Variants in PID1 observed in about 807,000 individuals in gnomAD.
PID1 encodes the protein PTB-containing, cubilin and LRP1-interacting protein.
Under a neutral mutation model 19.1 loss-of-function variants are expected in PID1, and 10 were observed. The observed-to-expected ratio is 0.52, with a 90% CI of 0.32 to 0.89. The LOEUF (loss-of-function observed/expected upper bound fraction) is 0.89, where lower values mean the gene tolerates loss of function less well. PID1 is among the 40% of genes least tolerant of loss of function. The pLI, the probability that PID1 is intolerant of heterozygous loss-of-function variation, is 0.03. For missense variants in PID1, 248 were observed against 285.3 expected (o/e 0.87, Z 0.94); for synonymous variants, 130 against 116.0 (o/e 1.12, Z -0.78).
At chr2:229,037,770 T>A (rs1693693973) in intron 2 of PID1, among the ~76,000 whole-genome samples, 1 of 152,084 alleles carries the variant, frequency 6.6e-6, no homozygotes, top group African/African-American at 2.4e-5. Context: ...CTGATACCTC[T>A]CCCTCTGCTT....
At chr2:229,074,794 C>T (rs145609685) in intron 2 of PID1, among the ~76,000 whole-genome samples, 123 of 152,232 alleles carry the variant, frequency 8.1e-4, no homozygotes, top group African/African-American at 2.4e-3. Context: ...AAATGATCAA[C>T]GGCCTATAAA....
chr2:229,040,623 T>C (rs957043561), intron 2 of PID1, among the ~76,000 whole-genome samples: 6 of 152,076 alleles, frequency 3.9e-5, no homozygotes, highest in African/African-American at 1.4e-4. Flanking sequence ...ATATTCAACA[T>C]ATAACCAAAG....
At chr2:229,086,910 T>TACACACACAC (rs3083831) in intron 2 of PID1, among the ~76,000 whole-genome samples, 2,209 of 150,102 alleles carry the variant, frequency 0.015, 30 homozygotes, top group East Asian at 0.058. Context: ...CACACGTGTG[T>TACACACACAC]ACACACACAC....
At chr2:229,199,272 C>T (rs753798898) in intron 1 of PID1, among the ~76,000 whole-genome samples, 5 of 152,078 alleles carry the variant, frequency 3.3e-5, no homozygotes, top group Admixed American at 2.6e-4. Context: ...TTTTTATCTT[C>T]TACCCAATAC....
intron 1 of PID1, among the ~76,000 whole-genome samples, chr2:229,226,302 C>T (rs1370181208): frequency 6.6e-6 from 1 of 152,168 alleles, no homozygotes; most frequent in Non-Finnish European, 1.5e-5. Flanking sequence ...TCCCAACTTT[C>T]CAGAATTGGT....
At chr2:229,223,017 C>T (rs1692006071) in intron 1 of PID1, among the ~76,000 whole-genome samples, 1 of 152,020 alleles carries the variant, frequency 6.6e-6, no homozygotes, top group South Asian at 2.1e-4. Flanking sequence ...ATTATAAATA[C>T]TATTGCAGTT....
At position 229,154,455 on chromosome 2, in the gene PID1, G is replaced by C. The variant is rs566011520; in HGVS notation, c.177+1363C>G. ...CTCACTAACCATGCTTGTTTACCTA[G>C]ATTTTCTCCTCCCATGCCCCTCAGT... On this transcript the variant is annotated intron_variant, in intron 2 of 2. Transcript: ENST00000392055. 5.7e-4 allele frequency among the ~76,000 whole-genome samples: 87 copies of C among 152,250 alleles called. 1 individual carries two copies. The highest frequency in any genetic ancestry group is 6.9e-4 in the Non-Finnish European group (47 of 68,022).
intron 1 of PID1, among the ~76,000 whole-genome samples, chr2:229,251,555 T>C (rs905862981): frequency 6.6e-6 from 1 of 152,200 alleles, no homozygotes; most frequent in Non-Finnish European, 1.5e-5. Context: ...ATGTGAAAAT[T>C]TTCTTAAATG....
At chr2:229,106,929 T>A (rs892025933) in intron 2 of PID1, among the ~76,000 whole-genome samples, 1 of 152,116 alleles carries the variant, frequency 6.6e-6, no homozygotes, top group Non-Finnish European at 1.5e-5. Flanking sequence ...GGAAACAGGG[T>A]CTTTGCAGAT....
At chr2:229,037,267 A>G (rs1693683855) in intron 2 of PID1, among the ~76,000 whole-genome samples, 1 of 152,232 alleles carries the variant, frequency 6.6e-6, no homozygotes, top group South Asian at 2.1e-4. Flanking sequence ...ATAGAAATAT[A>G]TACCACGGAG....
chr2:229,141,965 T>C (rs1353953012), intron 2 of PID1, among the ~76,000 whole-genome samples: 1 of 151,998 alleles, frequency 6.6e-6, no homozygotes, highest in African/African-American at 2.4e-5. Flanking sequence ...TATATTCTAC[T>C]AGCTGGATAG....
rs1559251375 is a variant in PID1, at chr2:229,139,037, AAGAGAAAGAAAGAAAGAAAG to A, written c.177+16761_177+16780del. On this transcript the variant is annotated intron_variant, in intron 2 of 2. Transcript: ENST00000392055. ...AAAGAAAGAAAGAAAGAAAGAAAGAAAGAGAAAGAAAGAAAGAAAGAGAAAGAAAGAAAGAAAGAAAGAAA... is the reference window on the plus strand; with the variant it reads ...AAAGAAAGAAAGAAAGAAAGAAAGAAAGAAAGAAAGAAAGAAAGAAAGAAA... Among the ~76,000 whole-genome samples, 39 of 55,370 alleles carry A rather than the reference AAGAGAAAGAAAGAAAGAAAG, an allele frequency of 7.0e-4. 1 individual carries two copies. Among genetic ancestry groups the A allele is most frequent in the South Asian group, 3.0e-3 (5 of 1,662 alleles). 36.3% of individuals were successfully genotyped at this position (55,370 alleles called of 152,430 possible). A position where few individuals can be genotyped will look rare whatever the true frequency, so the allele number is the denominator to read the frequency against.
chr2:229,228,477 G>A (rs775195487), intron 1 of PID1, among the ~76,000 whole-genome samples: 6 of 152,080 alleles, frequency 3.9e-5, no homozygotes, highest in South Asian at 4.1e-4. Context: ...TGTAATATAC[G>A]TGTGTGGAAA....
intron 1 of PID1, among the ~76,000 whole-genome samples, chr2:229,264,865 T>C (rs1449449436): frequency 6.6e-6 from 1 of 152,220 alleles, no homozygotes; most frequent in Non-Finnish European, 1.5e-5. Flanking sequence ...ACTTGGGACG[T>C]AGTAGATGGA....
chr2:229,162,557 G>A (rs1175801913), intron 1 of PID1, among the ~76,000 whole-genome samples: 1 of 152,108 alleles, frequency 6.6e-6, no homozygotes, highest in Non-Finnish European at 1.5e-5. Flanking sequence ...TGCCCTAATC[G>A]AGCTTCAAAA....
intron 2 of PID1, 42 bp from the exon 3 acceptor site, chr2:229,026,150 AG>A (rs762779749): frequency 3.2e-4 from 443 of 1,395,978 alleles, no homozygotes; most frequent in Middle Eastern, 9.5e-4. Flanking sequence ...CATCAGCAGA[AG>A]GCTCTTTGTT....
At chr2:229,114,107 CTCTCTT>C (rs1206967779) in intron 2 of PID1, among the ~76,000 whole-genome samples, 2 of 67,902 alleles carry the variant, frequency 2.9e-5, no homozygotes, top group South Asian at 6.8e-4. Flanking sequence ...CAGCATCTCT[CTCTCTT>C]TCTCTCTCTC....
At chr2:229,224,093 T>C (rs1441307772) in intron 1 of PID1, among the ~76,000 whole-genome samples, 1 of 152,256 alleles carries the variant, frequency 6.6e-6, no homozygotes, top group Non-Finnish European at 1.5e-5. Flanking sequence ...TGCATCCATG[T>C]TGCTACAAAG....
intron 2 of PID1, among the ~76,000 whole-genome samples, chr2:229,100,714 G>A (rs1695057528): frequency 6.6e-6 from 1 of 152,106 alleles, no homozygotes; most frequent in Admixed American, 6.6e-5. Context: ...AATCCCTTGT[G>A]CTCAGATAAA....
Sources: gnomAD v4.1 joint callset for allele counts (sites outside exome capture counted in the v4.1 genomes callset) on GRCh38, gnomAD v4.1.1 for gene constraint, MANE v1.5 for transcripts, NCBI Gene and HGNC (gene_info 2026-07-23, HGNC 2026-07-21) for gene names.